ZNF292: variants seen among roughly 807,000 people sequenced by gnomAD.
The protein encoded by ZNF292 is 16 zinc-finger domain protein.
ZNF292 carries 26 observed loss-of-function variants against 217.9 expected under a neutral mutation model. That is an observed-to-expected ratio of 0.12 (90% CI 0.09 to 0.17). The LOEUF (loss-of-function observed/expected upper bound fraction) is 0.17. Among genes scored for constraint, ZNF292 ranks in the 10% least tolerant of loss-of-function variants. The probability of loss-of-function intolerance (pLI) is 1.00; values close to 1 mark genes in which losing one functional copy is unlikely to be tolerated. For missense variants in ZNF292, 2,904 were observed against 3,175.2 expected, an observed-to-expected ratio of 0.91 and a Z score of 2.05; for synonymous variants, 1,257 against 1,124.1, an observed-to-expected ratio of 1.12 and a Z score of -2.37.
At chr6:87,177,281 C>T (rs958066987) in intron 1 of ZNF292, among the ~76,000 whole-genome samples, 1 of 151,152 alleles carries the variant, frequency 6.6e-6, no homozygotes, top group Admixed American at 6.6e-5. Context: ...GAGCCGAGAT[C>T]GCACCACTGT....
At chr6:87,157,361 A>C (rs1284319935) in intron 1 of ZNF292, among the ~76,000 whole-genome samples, 1 of 152,232 alleles carries the variant, frequency 6.6e-6, no homozygotes, top group Non-Finnish European at 1.5e-5. Context: ...GTACCCACTC[A>C]TTCTTAATTG....
chr6:87,166,685 A>G (rs945884965), intron 1 of ZNF292, among the ~76,000 whole-genome samples: 2 of 152,180 alleles, frequency 1.3e-5, no homozygotes, highest in Admixed American at 6.5e-5. Flanking sequence ...ATTTTTCAGT[A>G]TAATTTAACT....
chr6:87,219,818 T>A (rs575744705), intron 4 of ZNF292, among the ~76,000 whole-genome samples: 18 of 152,300 alleles, frequency 1.2e-4, no homozygotes, highest in Middle Eastern at 3.4e-3. Context: ...TACTTAATAA[T>A]AGTAATTTAT....
intron 1 of ZNF292, among the ~76,000 whole-genome samples, chr6:87,214,433 T>C (rs1053802521): frequency 2.0e-5 from 3 of 152,126 alleles, no homozygotes; most frequent in Non-Finnish European, 4.4e-5. Flanking sequence ...AGGTTTGGGA[T>C]ATAATGGGAT....
chr6:87,198,324 C>T (rs1189808395), intron 1 of ZNF292, among the ~76,000 whole-genome samples: 1 of 152,148 alleles, frequency 6.6e-6, no homozygotes, highest in Non-Finnish European at 1.5e-5. Context: ...CCTGCCTTAG[C>T]CTCCCGAGTA....
At chr6:87,239,840 C>T (rs1485987405) in intron 5 of ZNF292, among the ~76,000 whole-genome samples, 7 of 150,672 alleles carry the variant, frequency 4.6e-5, no homozygotes, top group African/African-American at 1.2e-4. Flanking sequence ...GGATGGCGGC[C>T]GGGAAGAGGC....
chr6:87,188,889 C>T lies in ZNF292; in HGVS notation c.169-27014C>T, dbSNP rs1159828345. Among the ~76,000 whole-genome samples, 3 of 151,778 alleles carry T rather than the reference C, an allele frequency of 2.0e-5. No individual in the cohort carries two copies. In the East Asian group the frequency reaches 5.8e-4, roughly 29 times the overall value. Reference sequence around the variant, plus strand: ...AAATTATTATAGGTTTGAAAATGAACATAATAATGAAGGCTTTTAAAAAGT... The same window carrying T: ...AAATTATTATAGGTTTGAAAATGAATATAATAATGAAGGCTTTTAAAAAGT... On this transcript the variant is annotated intron_variant, in intron 1 of 7. Transcript: ENST00000369577.
In ZNF292 at chr6:87,260,563, A is replaced by C; in HGVS notation, c.6934A>C (p.Lys2312Gln). The change falls in exon 8 of 8, where the codon AAG (lysine) becomes CAG (glutamine). Residue 2312 changes from lysine (K) to glutamine (Q), a missense_variant. Lys to Gln is a moderately conservative substitution (Grantham distance 53). Around this residue, in one of 15 missense-constraint regions of ZNF292, gnomAD observed 101 missense variants for 89.5 expected, o/e 1.13. Transcript: ENST00000369577. ...MSSKANQEKS[K>Q]SKHRGTKHSR... is the part of the protein sequence containing the mutation. ...AAGCAAGGCAAACCAAGAAAAATCA[A>C]AGTCTAAACATCGGGGGACCAAGCA... The C allele has an allele frequency of 6.2e-7, 1 of 1,613,148 alleles. No individual in the cohort carries two copies. Among genetic ancestry groups the C allele is most frequent in the Non-Finnish European group, 8.5e-7 (1 of 1,179,674 alleles).
In ZNF292 at chr6:87,260,262, G is replaced by A. The variant is rs546835164; in HGVS notation, c.6633G>A (p.Val2211=). 6.2e-7 allele frequency: 1 copy of A among 1,613,606 alleles called. No homozygotes were observed. Among genetic ancestry groups the A allele is most frequent in the Admixed American group, 1.7e-5 (1 of 59,976 alleles). Residue 2211 remains valine (V), a synonymous_variant, in exon 8 of 8, where the codon GTG becomes GTA. Coordinates refer to ENST00000369577, the MANE Select transcript of ZNF292 (RefSeq NM_015021.3). ...PEEIESMTAS[V]DVGKFPCDQL... ...AAATTGAAAGTATGACTGCTTCAGT[G>A]GATGTTGGGAAGTTTCCATGTGACC...
chr6:87,172,384 C>T (rs944791262), intron 1 of ZNF292, among the ~76,000 whole-genome samples: 2 of 152,100 alleles, frequency 1.3e-5, no homozygotes, highest in African/African-American at 4.8e-5. Flanking sequence ...TTTCATCAAC[C>T]TCTTAGACTT....
chr6:87,218,656 G>T lies in ZNF292; in HGVS notation c.463G>T (p.Ala155Ser). The T allele has an allele frequency of 6.3e-7, 1 of 1,587,894 alleles. No homozygotes were observed. Among genetic ancestry groups the T allele is most frequent in the Non-Finnish European group, 8.6e-7 (1 of 1,166,848 alleles). ...TGAATTGCATTTTTTAGCTACTCTA[G>T]CTCAAGAGACTGGGGTGTGGAAAAA... is the stretch of plus-strand genomic sequence containing the variant. ...SCELHFLATL[A>S]QETGVWKNPV... Residue 155 changes from alanine (A) to serine (S), a missense_variant, in exon 4 of 8, where the codon GCT becomes TCT. Ala to Ser is a moderately conservative substitution (Grantham distance 99). Around this residue, in one of 15 missense-constraint regions of ZNF292, gnomAD observed 313 missense variants for 451.0 expected, o/e 0.69. Transcript: ENST00000369577.
chr6:87,206,814 A>T (rs901366063), intron 1 of ZNF292, among the ~76,000 whole-genome samples: 3 of 152,222 alleles, frequency 2.0e-5, no homozygotes, highest in Admixed American at 1.3e-4. Flanking sequence ...CAGCATGCAA[A>T]AACGTCATCA....
At chr6:87,236,840 C>T (rs921881163) in intron 5 of ZNF292, among the ~76,000 whole-genome samples, 1 of 152,150 alleles carries the variant, frequency 6.6e-6, no homozygotes, top group African/African-American at 2.4e-5. Flanking sequence ...CAACCTTATT[C>T]TTTCTCATGG....
intron 4 of ZNF292, among the ~76,000 whole-genome samples, chr6:87,229,983 G>T (rs1271191642): frequency 6.6e-6 from 1 of 152,132 alleles, no homozygotes. Context: ...TGGGTTGGGG[G>T]AGCAATATGG....
In ZNF292 at chr6:87,255,346, A is replaced by G. The variant is rs759956507; in HGVS notation, c.1717A>G (p.Ile573Val). ...CAAAGATGGAATTTATAGTTGCCCC[A>G]TATGTGCAAAGAACTTTAATTCTAA... is the stretch of plus-strand genomic sequence containing the variant. Reference protein sequence around the residue: ...HYKDGIYSCPICAKNFNSKET... With the variant: ...HYKDGIYSCPVCAKNFNSKET... Residue 573 changes from isoleucine to valine, a missense_variant, in exon 8 of 8, where the codon ATA (isoleucine) becomes GTA (valine). Physicochemically the swap from Ile to Val is conservative, Grantham distance 29 (BLOSUM62 3). Around this residue, in one of 15 missense-constraint regions of ZNF292, gnomAD observed 216 missense variants for 308.3 expected, o/e 0.70. Transcript: ENST00000369577. The G allele has an allele frequency of 6.2e-7, 1 of 1,613,794 alleles. No individual in the cohort carries two copies. The highest frequency in any genetic ancestry group is 8.5e-7 in the Non-Finnish European group (1 of 1,179,824).
chr6:87,231,515 AT>A (rs1773655854), intron 4 of ZNF292, among the ~76,000 whole-genome samples: 1 of 152,120 alleles, frequency 6.6e-6, no homozygotes, highest in South Asian at 2.1e-4. Flanking sequence ...TTCTACTCAA[AT>A]ATTCTGTGTA....
intron 1 of ZNF292, among the ~76,000 whole-genome samples, chr6:87,198,439 C>T (rs953562260): frequency 2.0e-5 from 3 of 152,114 alleles, no homozygotes; most frequent in Admixed American, 1.3e-4. Flanking sequence ...CTCCTCACCT[C>T]GTGATCCGCC....
chr6:87,258,616 G>C lies in ZNF292; in HGVS notation c.4987G>C (p.Glu1663Gln), dbSNP rs758772472. The C allele has an allele frequency of 2.0e-5, 33 of 1,613,500 alleles. No individual in the cohort carries two copies. In the Admixed American group the frequency reaches 5.5e-4, roughly 27 times the overall value. Residue 1663 changes from glutamate to glutamine, a missense_variant, in exon 8 of 8, where the codon GAA becomes CAA. Physicochemically the swap from Glu to Gln is conservative, Grantham distance 29. Around this residue, in one of 15 missense-constraint regions of ZNF292, gnomAD observed 622 missense variants for 573.1 expected, o/e 1.09. Transcript: ENST00000369577. ...AATGGGACTCATAGCAAAGAGTGTT[G>C]AAATCCCAACTACTAACCTTCATTC... The part of the protein sequence containing the change: ...TTMGLIAKSV[E>Q]IPTTNLHSNV...
At chr6:87,226,785 TCTC>T (rs1403550978) in intron 4 of ZNF292, among the ~76,000 whole-genome samples, 19 of 151,796 alleles carry the variant, frequency 1.3e-4, no homozygotes, top group Non-Finnish European at 2.6e-4. Flanking sequence ...TTCAAGCGAT[TCTC>T]CTCCCTTAGC....
Sources: allele counts gnomAD v4.1 joint callset (sites outside exome capture counted in the v4.1 genomes callset), GRCh38; gene constraint gnomAD v4.1.1; regional missense constraint gnomAD v4.1.1; transcripts MANE v1.5; gene names NCBI Gene and HGNC (gene_info 2026-07-23, HGNC 2026-07-21).